Variants in CNTN5 observed in about 807,000 individuals in gnomAD.
The protein encoded by CNTN5 is contactin-5.
In CNTN5, 77 loss-of-function variants were observed where a neutral mutation model predicts 129.1. The observed-to-expected ratio is 0.60, with a 90% CI of 0.50 to 0.72. The LOEUF is 0.72. Ranked by LOEUF, CNTN5 falls within the 30% of genes least tolerant of loss-of-function variation. CNTN5 has a pLI of 0.00. For missense variants in CNTN5, 1,478 were observed against 1,328.8 expected, an observed-to-expected ratio of 1.11 and a Z score of -1.75; for synonymous variants, 509 against 465.6, an observed-to-expected ratio of 1.09 and a Z score of -1.20.
At chr11:99,272,807 T>C (rs1217576308) in intron 1 of CNTN5, among the ~76,000 whole-genome samples, 3 of 151,896 alleles carry the variant, frequency 2.0e-5, no homozygotes, top group Non-Finnish European at 4.4e-5. Flanking sequence ...TAGTTTTCAA[T>C]GTATTAAAAT....
chr11:100,207,667 T>C (rs1189314744), intron 15 of CNTN5, among the ~76,000 whole-genome samples: 2 of 152,174 alleles, frequency 1.3e-5, no homozygotes, highest in African/African-American at 4.8e-5. Flanking sequence ...TTGAAACCTG[T>C]ACTTCAATTG....
chr11:99,029,502 T>A (rs1863261639), intron 1 of CNTN5, among the ~76,000 whole-genome samples: 1 of 152,028 alleles, frequency 6.6e-6, no homozygotes, highest in African/African-American at 2.4e-5. Context: ...TGTAAAAGAC[T>A]GTAGAAACAC....
At chr11:99,197,949 T>G (rs1462139845) in intron 1 of CNTN5, among the ~76,000 whole-genome samples, 1 of 152,112 alleles carries the variant, frequency 6.6e-6, no homozygotes, top group Non-Finnish European at 1.5e-5. Context: ...TCCAGTTGTG[T>G]CCAGACAGAC....
intron 3 of CNTN5, among the ~76,000 whole-genome samples, chr11:99,723,278 C>T (rs768279633): frequency 2.2e-4 from 33 of 152,054 alleles, no homozygotes; most frequent in African/African-American, 3.4e-4. Flanking sequence ...TGGTTCCTCT[C>T]GGACAAATGT....
intron 8 of CNTN5, among the ~76,000 whole-genome samples, chr11:99,958,863 G>C (rs1416333238): frequency 1.3e-5 from 2 of 151,980 alleles, no homozygotes; most frequent in Admixed American, 1.3e-4. Flanking sequence ...TATTTGAATA[G>C]TGCCTGAGGT....
At chr11:100,095,956 G>A (rs1442636083) in intron 13 of CNTN5, among the ~76,000 whole-genome samples, 1 of 152,000 alleles carries the variant, frequency 6.6e-6, no homozygotes, top group Non-Finnish European at 1.5e-5. Context: ...CCACTCAACA[G>A]CAAAGAAACC....
At chr11:99,114,132 A>T (rs1244801893) in intron 1 of CNTN5, among the ~76,000 whole-genome samples, 1 of 152,184 alleles carries the variant, frequency 6.6e-6, no homozygotes, top group East Asian at 1.9e-4. Flanking sequence ...ACTGAATTGA[A>T]TTACATAGAG....
At chr11:99,164,107 C>A (rs1051104165) in intron 1 of CNTN5, among the ~76,000 whole-genome samples, 1 of 151,948 alleles carries the variant, frequency 6.6e-6, no homozygotes, top group African/African-American at 2.4e-5. Context: ...GCGGGTGGAT[C>A]ACGAGGTTAG....
intron 3 of CNTN5, among the ~76,000 whole-genome samples, chr11:99,773,662 AAAGTGAT>A (rs1945020120): frequency 1.3e-5 from 2 of 151,906 alleles, no homozygotes; most frequent in African/African-American, 2.4e-5. Flanking sequence ...ATAATTTTTT[AAAGTGAT>A]AATAGTAATA....
intron 13 of CNTN5, among the ~76,000 whole-genome samples, chr11:100,099,549 G>A (rs998634144): frequency 1.4e-4 from 21 of 151,478 alleles, no homozygotes; most frequent in Non-Finnish European, 2.8e-4. Flanking sequence ...ACATCACAAG[G>A]GGATAACTAC....
intron 1 of CNTN5, among the ~76,000 whole-genome samples, chr11:99,269,541 T>A (rs1399444097): frequency 6.6e-6 from 1 of 151,868 alleles, no homozygotes; most frequent in Non-Finnish European, 1.5e-5. Flanking sequence ...GTACTATGCG[T>A]GTGGCAAGGC....
chr11:99,601,773 G>A (rs1235382646), intron 3 of CNTN5, among the ~76,000 whole-genome samples: 1 of 152,044 alleles, frequency 6.6e-6, no homozygotes, highest in African/African-American at 2.4e-5. Context: ...ATTCTGTGCT[G>A]CCTGCTTTCT....
chr11:100,277,485 T>C (rs73563758), intron 18 of CNTN5, among the ~76,000 whole-genome samples: 3,987 of 152,262 alleles, frequency 0.026, 193 homozygotes, highest in African/African-American at 0.09. Flanking sequence ...CTAGCATTTG[T>C]TATTGCCTGT....
chr11:100,041,473 G>A lies in CNTN5; in HGVS notation c.981-19739G>A, dbSNP rs554221249. Among the ~76,000 whole-genome samples the A allele has an allele frequency of 8.3e-4, 127 of 152,252 alleles. 2 individuals carry two copies. Among genetic ancestry groups the A allele is most frequent in the Admixed American group, 2.7e-3 (42 of 15,296 alleles). ...GAGTGAACAAATGAATATACATGGC[G>A]TTATTTCAGAAATTTCTCTTGGCTA... is the stretch of plus-strand genomic sequence containing the variant. On this transcript the variant is annotated intron_variant, in intron 9 of 24. Coordinates refer to ENST00000524871, the MANE Select transcript of CNTN5 (RefSeq NM_014361.4).
intron 6 of CNTN5, among the ~76,000 whole-genome samples, chr11:99,897,748 AAACAACTAGCT>A (rs1423051261): frequency 2.6e-5 from 4 of 152,306 alleles, no homozygotes; most frequent in African/African-American, 9.6e-5. Flanking sequence ...TAAAACTCCA[AAACAACTAGCT>A]AACAACACTA....
chr11:99,259,983 TGTAA>T (rs1862554954), intron 1 of CNTN5, among the ~76,000 whole-genome samples: 1 of 151,750 alleles, frequency 6.6e-6, no homozygotes, highest in South Asian at 2.1e-4. Flanking sequence ...CTTGTCAATT[TGTAA>T]GTCCTTTCTG....
intron 2 of CNTN5, among the ~76,000 whole-genome samples, chr11:99,346,472 A>C (rs1001348226): frequency 1.3e-5 from 2 of 151,802 alleles, no homozygotes; most frequent in Non-Finnish European, 2.9e-5. Context: ...TTACTTCGCC[A>C]TCCCTGGAGA....
intron 17 of CNTN5, among the ~76,000 whole-genome samples, chr11:100,263,467 G>A (rs1950244732): frequency 6.6e-6 from 1 of 151,948 alleles, no homozygotes; most frequent in Non-Finnish European, 1.5e-5. Context: ...TGATATTTAG[G>A]CTCCTGCATT....
rs1185999956 is a variant in CNTN5, at chr11:99,952,930, T to C, written c.674-3876T>C. The stretch of plus-strand genomic sequence containing the variant: ...AAGAAAATAGGCTCCCTGGGACAGT[T>C]TCGTTATTAATTGAGTCATTCAACA... On this transcript the variant is annotated intron_variant, in intron 7 of 24. Transcript: ENST00000524871. Among the ~76,000 whole-genome samples the C allele has an allele frequency of 2.6e-5, 4 of 152,198 alleles. No individual in the cohort carries two copies. The East Asian group carries it at 7.7e-4, about 29-fold the overall frequency.
Sources: allele counts gnomAD v4.1 joint callset (sites outside exome capture counted in the v4.1 genomes callset), GRCh38; gene constraint gnomAD v4.1.1; transcripts MANE v1.5; gene names NCBI Gene and HGNC (gene_info 2026-07-23, HGNC 2026-07-21).